The following MYH15 variants were observed in gnomAD, a reference collection of about 807,000 sequenced individuals.
MYH15 encodes myosin heavy chain 15.
In MYH15, 227 loss-of-function variants were observed where a neutral mutation model predicts 240.5. The observed-to-expected ratio is 0.94, with a 90% CI of 0.85 to 1.05. The LOEUF (loss-of-function observed/expected upper bound fraction) is 1.05. Among genes scored for constraint, MYH15 ranks in the 50% least tolerant of loss-of-function variants. The probability of loss-of-function intolerance (pLI) is 0.00; values close to 1 mark genes in which losing one functional copy is unlikely to be tolerated. For missense variants in MYH15, 2,217 were observed against 2,247.5 expected, an observed-to-expected ratio of 0.99 and a Z score of 0.27; for synonymous variants, 785 against 796.7, an observed-to-expected ratio of 0.99 and a Z score of 0.25.
chr3:108,438,887 G>T (rs753090673), intron 24 of MYH15, among the ~76,000 whole-genome samples: 3 of 152,012 alleles, frequency 2.0e-5, no homozygotes, highest in Non-Finnish European at 4.4e-5. Flanking sequence ...GGTGTGGGTA[G>T]GTGTGTGTGA....
At position 108,464,658 on chromosome 3, in the gene MYH15, GTTCAAAATGAGC is replaced by G; in HGVS notation, c.1699_1710del (p.Ala567_Glu570del). 6.2e-6 allele frequency: 10 copies of G among 1,613,046 alleles called. No homozygotes were observed. The highest frequency in any genetic ancestry group is 8.5e-6 in the Non-Finnish European group (10 of 1,179,550). On this transcript the variant is annotated inframe_deletion, in exon 15 of 41. Transcript: ENST00000693548. ...CTCACCACTCCTGCATAATGGACAA[GTTCAAAATGAGC>G]TTCAAATTTCTTCTTATCAGGCTTG...
chr3:108,383,701 T>C lies in MYH15; in HGVS notation c.5660A>G (p.Lys1887Arg), dbSNP rs1398652270. 1 of 1,606,518 alleles carries C rather than the reference T, an allele frequency of 6.2e-7. No individual in the cohort carries two copies. The highest frequency in any genetic ancestry group is 1.1e-5 in the South Asian group (1 of 90,300). Residue 1887 changes from lysine to arginine, a missense_variant, in exon 40 of 41, where the codon AAG becomes AGG. Physicochemically the swap from Lys to Arg is conservative, Grantham distance 26 (BLOSUM62 2). Transcript: ENST00000693548. ...AETQANQYLS[K>R]YKKQQHELNE... is the part of the protein sequence containing the mutation. ...CAACTCATGTTGCTGTTTCTTATAC[T>C]TGGAAAGGTATTGATTGGCTTGTGT...
chr3:108,431,400 G>A (rs1460966999), intron 25 of MYH15, among the ~76,000 whole-genome samples: 2 of 152,206 alleles, frequency 1.3e-5, no homozygotes, highest in African/African-American at 2.4e-5. Context: ...TCTTGTGGTA[G>A]TGACTAAGTC....
intron 21 of MYH15, among the ~76,000 whole-genome samples, chr3:108,445,260 A>C (rs1471254754): frequency 6.6e-6 from 1 of 152,202 alleles, no homozygotes; most frequent in African/African-American, 2.4e-5. Flanking sequence ...GTATTGTAAG[A>C]GTTTGTATTT....
chr3:108,476,558 A>G lies in MYH15; in HGVS notation c.1115-43T>C, dbSNP rs748716780. The G allele has an allele frequency of 1.2e-5, 16 of 1,316,222 alleles. No individual in the cohort carries two copies. The Admixed American group carries it at 2.0e-4, about 17-fold the overall frequency. The allele number at this position is 1,316,222 out of a possible 1,614,324, so 81.5% of individuals were successfully genotyped here. A position where few individuals can be genotyped will look rare whatever the true frequency, so the allele number is the denominator to read the frequency against. ...AAGAAAAGGAAGGAGAGAGGAAAAC[A>G]CTGTTAAGATTCATTCCATTATAGC... On this transcript the variant is annotated intron_variant, in intron 11 of 40. Coordinates refer to ENST00000693548, the MANE Select transcript of MYH15 (RefSeq NM_014981.3).
Position 108,486,429 on chromosome 3 carries a change from G to A in MYH15, c.969C>T (p.Ala323=). The A allele has an allele frequency of 6.2e-7, 1 of 1,608,398 alleles. No individual in the cohort carries two copies. The highest frequency in any genetic ancestry group is 1.3e-5 in the African/African-American group (1 of 74,970). Residue 323 remains alanine (A), a synonymous_variant, in exon 10 of 41, where the codon GCC becomes GCT. Coordinates refer to ENST00000693548, the MANE Select transcript of MYH15 (RefSeq NM_014981.3). The part of the protein sequence containing the change: ...ESLDDAEELL[A]TEQAMDILGF... ...GACAACTAACAAGCCTTACTTCTGTGGCCAGCAATTCTTCAGCATCATCCA... is the reference window on the plus strand; with the variant it reads ...GACAACTAACAAGCCTTACTTCTGTAGCCAGCAATTCTTCAGCATCATCCA...
intron 38 of MYH15, among the ~76,000 whole-genome samples, chr3:108,387,069 C>T (rs2082389323): frequency 1.3e-5 from 2 of 152,124 alleles, no homozygotes; most frequent in African/African-American, 4.8e-5. Flanking sequence ...AGCATGGGGA[C>T]CAGCCATAGA....
upstream of MYH15, among the ~76,000 whole-genome samples, chr3:108,510,968 A>T (rs2083518567): frequency 6.6e-6 from 1 of 152,270 alleles, no homozygotes; most frequent in South Asian, 2.1e-4. Flanking sequence ...CTGATTTTTA[A>T]TATTTTTTTG....
intron 26 of MYH15, among the ~76,000 whole-genome samples, chr3:108,429,781 T>G (rs377185306): frequency 1.2e-4 from 18 of 152,200 alleles, no homozygotes; most frequent in African/African-American, 3.9e-4. Context: ...AAGTAGTCTA[T>G]CAGTTCTATA....
At chr3:108,501,615 G>T in intron 3 of MYH15, 97 bp downstream of exon 3, 2 of 1,476,224 alleles carry the variant, frequency 1.4e-6, no homozygotes, top group Non-Finnish European at 9.4e-7. Context: ...CCCTGTGCGA[G>T]CATGCTTAAA....
At chr3:108,413,490 A>C (rs1379593336) in intron 30 of MYH15, among the ~76,000 whole-genome samples, 1 of 152,206 alleles carries the variant, frequency 6.6e-6, no homozygotes, top group Non-Finnish European at 1.5e-5. Flanking sequence ...AGCCAGGGAC[A>C]CATTCTTTTG....
At chr3:108,403,674 T>C (rs1200578398) in intron 33 of MYH15, among the ~76,000 whole-genome samples, 1 of 152,206 alleles carries the variant, frequency 6.6e-6, no homozygotes, top group Non-Finnish European at 1.5e-5. Context: ...CTTTTCTTTC[T>C]GGATCTACCT....
intron 33 of MYH15, among the ~76,000 whole-genome samples, chr3:108,401,715 T>G (rs1039762489): frequency 6.6e-6 from 1 of 152,248 alleles, no homozygotes; most frequent in African/African-American, 2.4e-5. Context: ...TGTTTCAAAC[T>G]GCACTTTTCC....
chr3:108,425,111 G>T (rs375172209), intron 27 of MYH15, among the ~76,000 whole-genome samples: 2 of 152,206 alleles, frequency 1.3e-5, no homozygotes, highest in Non-Finnish European at 2.9e-5. Context: ...TCAAAAACAG[G>T]TAAGTCTTTA....
intron 17 of MYH15, 133 bp downstream of exon 17, chr3:108,460,167 A>G: frequency 2.7e-6 from 2 of 746,372 alleles, no homozygotes; most frequent in South Asian, 2.4e-5. Flanking sequence ...TAATAACAGC[A>G]TAAACTTCAA....
Position 108,441,239 on chromosome 3 carries a change from C to T in MYH15, c.2677G>A (p.Val893Ile), listed in dbSNP as rs766817556. 7 of 1,613,968 alleles carry T rather than the reference C, an allele frequency of 4.3e-6. No individual in the cohort carries two copies. The East Asian group carries it at 1.3e-4, about 31-fold the overall frequency. Residue 893 changes from valine (V) to isoleucine (I), a missense_variant, in exon 23 of 41, where the codon GTT (valine) becomes ATT (isoleucine). Physicochemically the swap from Val to Ile is conservative, Grantham distance 29. Coordinates refer to ENST00000693548, the MANE Select transcript of MYH15 (RefSeq NM_014981.3). ...ATCAGCCACTCGCACTGCTCTTCAACATTTGCCAGTGTCTCTTGCTCCTGC... is the reference window on the plus strand; with the variant it reads ...ATCAGCCACTCGCACTGCTCTTCAATATTTGCCAGTGTCTCTTGCTCCTGC... ...LQAEQETLAN[V>I]EEQCEWLIKS...
intron 21 of MYH15, among the ~76,000 whole-genome samples, chr3:108,448,935 A>T (rs552831883): frequency 1.1e-4 from 17 of 152,126 alleles, no homozygotes; most frequent in Admixed American, 7.2e-4. Flanking sequence ...CAACATAAAA[A>T]ATTAGTAACA....
intron 32 of MYH15, among the ~76,000 whole-genome samples, chr3:108,407,612 T>A (rs1337051401): frequency 6.6e-6 from 1 of 152,196 alleles, no homozygotes; most frequent in Admixed American, 6.5e-5. Flanking sequence ...AAAACCCTCC[T>A]GTCAATCTGC....
At position 108,421,678 on chromosome 3, in the gene MYH15, C is replaced by T. The variant is rs188141174; in HGVS notation, c.3703-464G>A. 4.0e-5 allele frequency among the ~76,000 whole-genome samples: 6 copies of T among 151,796 alleles called. No individual in the cohort carries two copies. The East Asian group carries it at 7.7e-4, about 20-fold the overall frequency. On this transcript the variant is annotated intron_variant, in intron 27 of 40. Transcript: ENST00000693548. Reference sequence around the variant, plus strand: ...CAATATGCAAGGGTGGAGAGGCAGACGAAGGGGAAGGAAGAGAGGTAAGAA... The same window carrying T: ...CAATATGCAAGGGTGGAGAGGCAGATGAAGGGGAAGGAAGAGAGGTAAGAA...
Sources: allele counts gnomAD v4.1 joint callset (sites outside exome capture counted in the v4.1 genomes callset), GRCh38; gene constraint gnomAD v4.1.1; transcripts MANE v1.5; gene names NCBI Gene and HGNC (gene_info 2026-07-23, HGNC 2026-07-21).